LRMDA: variants seen among roughly 807,000 people sequenced by gnomAD.
LRMDA encodes the protein leucine rich melanocyte differentiation associated.
Under a neutral mutation model 29.8 loss-of-function variants are expected in LRMDA, and 18 were observed. The observed-to-expected ratio is 0.60, with a 90% CI of 0.42 to 0.90. The LOEUF (loss-of-function observed/expected upper bound fraction) is 0.90. Among genes scored for constraint, LRMDA ranks in the 40% least tolerant of loss-of-function variants. The pLI, the probability that LRMDA is intolerant of heterozygous loss-of-function variation, is 0.00. For synonymous variants in LRMDA, 125 were observed against 109.4 expected, an observed-to-expected ratio of 1.14 and a Z score of -0.89; for missense variants, 273 against 273.9, an observed-to-expected ratio of 1.00 and a Z score of 0.02.
intron 5 of LRMDA, among the ~76,000 whole-genome samples, chr10:76,272,600 G>A (rs1467554853): frequency 6.6e-6 from 1 of 152,192 alleles, no homozygotes; most frequent in Non-Finnish European, 1.5e-5. Flanking sequence ...CTCAGTCAAG[G>A]AACCCTTTGT....
At chr10:76,096,169 G>A (rs1222556453) in intron 5 of LRMDA, among the ~76,000 whole-genome samples, 1 of 151,982 alleles carries the variant, frequency 6.6e-6, no homozygotes, top group African/African-American at 2.4e-5. Context: ...CATAGTTTTG[G>A]TAGCGTATCT....
intron 2 of LRMDA, among the ~76,000 whole-genome samples, chr10:75,620,687 ATCT>A (rs1215059509): frequency 1.3e-5 from 2 of 152,004 alleles, no homozygotes; most frequent in Admixed American, 1.3e-4. Context: ...GTTCAAATCC[ATCT>A]TCTTTGTAAA....
At chr10:76,133,078 C>A (rs987708392) in intron 5 of LRMDA, among the ~76,000 whole-genome samples, 7 of 150,752 alleles carry the variant, frequency 4.6e-5, no homozygotes, top group Non-Finnish European at 4.4e-5. Context: ...GCCTCAGCCT[C>A]CCAAAGTGCT....
chr10:76,313,467 G>A (rs958484512), intron 5 of LRMDA, among the ~76,000 whole-genome samples: 1 of 152,148 alleles, frequency 6.6e-6, no homozygotes, highest in African/African-American at 2.4e-5. Flanking sequence ...AGGCATCAGA[G>A]CACAGAAAAC....
chr10:76,324,350 G>T (rs1339771641), intron 5 of LRMDA, 51 bp from the exon 6 acceptor site: 1 of 1,462,070 alleles, frequency 6.8e-7, no homozygotes, highest in Non-Finnish European at 9.6e-7. Flanking sequence ...GAGGGTATTT[G>T]GTATTTGGTG....
At chr10:76,216,915 A>G (rs1851739011) in intron 5 of LRMDA, among the ~76,000 whole-genome samples, 1 of 152,234 alleles carries the variant, frequency 6.6e-6, no homozygotes, top group South Asian at 2.1e-4. Context: ...TGTATTTTCA[A>G]TGGACTATTA....
chr10:75,640,582 C>G (rs926805430), intron 2 of LRMDA, among the ~76,000 whole-genome samples: 1 of 152,094 alleles, frequency 6.6e-6, no homozygotes, highest in African/African-American at 2.4e-5. Flanking sequence ...TGTTGCCATA[C>G]CAAAGTGATG....
chr10:75,710,505 A>G (rs1235364877), intron 2 of LRMDA, among the ~76,000 whole-genome samples: 1 of 152,222 alleles, frequency 6.6e-6, no homozygotes, highest in Non-Finnish European at 1.5e-5. Context: ...AGCTCATTCT[A>G]TAATGTCCAT....
At chr10:76,137,426 T>C (rs1850115649) in intron 5 of LRMDA, among the ~76,000 whole-genome samples, 1 of 152,218 alleles carries the variant, frequency 6.6e-6, no homozygotes. Context: ...GGGGCAACGA[T>C]GCTTGTCCAT....
intron 5 of LRMDA, among the ~76,000 whole-genome samples, chr10:76,059,822 C>A (rs1848676362): frequency 6.6e-6 from 1 of 152,134 alleles, no homozygotes; most frequent in African/African-American, 2.4e-5. Flanking sequence ...CCATGAGGTG[C>A]AACTTATTTT....
chr10:76,527,110 C>T (rs114199869), intron 6 of LRMDA, among the ~76,000 whole-genome samples: 2,261 of 146,676 alleles, frequency 0.015, 21 homozygotes, highest in African/African-American at 0.038. Context: ...TTGTCTGTTT[C>T]TATCATAGGT....
intron 6 of LRMDA, among the ~76,000 whole-genome samples, chr10:76,328,053 T>A (rs1840858700): frequency 6.6e-6 from 1 of 152,178 alleles, no homozygotes; most frequent in Admixed American, 6.5e-5. Flanking sequence ...GGTACACACA[T>A]GGATTTAGAA....
chr10:76,441,668 A>G (rs534930621), intron 6 of LRMDA, among the ~76,000 whole-genome samples: 1 of 152,160 alleles, frequency 6.6e-6, no homozygotes, highest in Non-Finnish European at 1.5e-5. Flanking sequence ...GCCCCCATCC[A>G]GCAGGATGTG....
intron 2 of LRMDA, among the ~76,000 whole-genome samples, chr10:75,798,647 A>G (rs1843695461): frequency 6.6e-6 from 1 of 152,118 alleles, no homozygotes; most frequent in South Asian, 2.1e-4. Context: ...TCCATGGATT[A>G]TGCTATGTTG....
At chr10:76,011,781 A>G (rs991675385) in intron 2 of LRMDA, among the ~76,000 whole-genome samples, 1 of 152,152 alleles carries the variant, frequency 6.6e-6, no homozygotes, top group African/African-American at 2.4e-5. Context: ...TCTATCCTCC[A>G]GGGATTGGCT....
chr10:76,012,859 GATAGTAAAAA>G (rs1251391197), intron 2 of LRMDA, among the ~76,000 whole-genome samples: 2 of 152,134 alleles, frequency 1.3e-5, no homozygotes, highest in African/African-American at 4.8e-5. Context: ...GGTCAGGAGC[GATAGTAAAAA>G]CCTGTTGTCT....
At chr10:75,884,276 T>G (rs113978352) in intron 2 of LRMDA, among the ~76,000 whole-genome samples, 2,507 of 98,034 alleles carry the variant, frequency 0.026, 66 homozygotes, top group African/African-American at 0.083. Flanking sequence ...TGTGTGTGTG[T>G]GTGTGTGTGT....
At chr10:76,417,561 G>A (rs974585977) in intron 6 of LRMDA, among the ~76,000 whole-genome samples, 4 of 151,910 alleles carry the variant, frequency 2.6e-5, no homozygotes, top group Non-Finnish European at 4.4e-5. Context: ...CATAAAGGTA[G>A]CCAACATTCA....
At chr10:76,285,025 A>C (rs1840254406) in intron 5 of LRMDA, among the ~76,000 whole-genome samples, 1 of 152,138 alleles carries the variant, frequency 6.6e-6, no homozygotes, top group Non-Finnish European at 1.5e-5. Context: ...TAATACAGGG[A>C]TGCTTTTTGA....
Sources: allele counts gnomAD v4.1 joint callset (sites outside exome capture counted in the v4.1 genomes callset), GRCh38; gene constraint gnomAD v4.1.1; transcripts MANE v1.5; gene names NCBI Gene and HGNC (gene_info 2026-07-23, HGNC 2026-07-21).